Variants in MMP26 observed in about 807,000 individuals in gnomAD.
The protein encoded by MMP26 is matrix metalloproteinase-26.
Under a neutral mutation model 31.0 loss-of-function variants are expected in MMP26, and 33 were observed. The observed-to-expected ratio is 1.06, with a 90% CI of 0.81 to 1.42. MMP26 has a LOEUF of 1.42. MMP26 is among the 40% of genes most tolerant of loss of function. MMP26 has a pLI of 0.00. For missense variants in MMP26, 347 were observed against 316.1 expected (o/e 1.10, Z -0.74); for synonymous variants, 122 against 114.9 (o/e 1.06, Z -0.40).
intron 1 of MMP26, among the ~76,000 whole-genome samples, chr11:4,732,541 CAAAA>C (rs56079183): frequency 1.1e-5 from 1 of 94,670 alleles, no homozygotes; most frequent in Non-Finnish European, 2.3e-5. Flanking sequence ...AGACTCGTCT[CAAAA>C]AAAAAAAAAA....
At chr11:4,772,450 G>T (rs1848738813) in intron 2 of MMP26, among the ~76,000 whole-genome samples, 1 of 152,050 alleles carries the variant, frequency 6.6e-6, no homozygotes, top group Admixed American at 6.5e-5. Context: ...TTTCCACATT[G>T]AACCATAGGG....
At chr11:4,988,354 G>C (rs1244644292) in intron 3 of MMP26, 44 bp downstream of exon 3, 13 of 1,481,464 alleles carry the variant, frequency 8.8e-6, no homozygotes, top group Non-Finnish European at 1.1e-5. Flanking sequence ...GGTGACCATT[G>C]TGGGCTCTTA....
At chr11:4,724,065 G>A in intron 1 of MMP26, 1 of 656,808 alleles carries the variant, frequency 1.5e-6, no homozygotes, top group Non-Finnish European at 2.7e-6. Context: ...GGAAAAGCTT[G>A]AGGAGCTGAT....
intron 2 of MMP26, among the ~76,000 whole-genome samples, chr11:4,910,802 A>C (rs984112658): frequency 6.6e-5 from 10 of 151,770 alleles, no homozygotes; most frequent in African/African-American, 2.4e-4. Context: ...CTATTGGTCA[A>C]TTTGTAAATG....
In MMP26 at chr11:4,862,580, T is replaced by C. The variant is rs576293044; in HGVS notation, c.-145+95239T>C. On this transcript the variant is annotated intron_variant, in intron 2 of 7. Coordinates refer to ENST00000380390, the MANE Select transcript of MMP26 (RefSeq NM_021801.5). The stretch of plus-strand genomic sequence containing the variant: ...TGTGAGAGGTCCTATGGTGTCTTTG[T>C]TCTCACCTAGGTACTTGTGAGAAAA... Among the ~76,000 whole-genome samples the C allele has an allele frequency of 4.6e-5, 7 of 152,266 alleles. No homozygotes were observed. The South Asian group carries it at 1.4e-3, about 32-fold the overall frequency.
intron 2 of MMP26, chr11:4,821,983 C>T: frequency 1.2e-6 from 2 of 1,614,070 alleles, no homozygotes; most frequent in Non-Finnish European, 1.7e-6. Context: ...TGATCTCATC[C>T]AACTCTCCTG....
intron 1 of MMP26, among the ~76,000 whole-genome samples, chr11:4,757,208 CAA>C (rs199958815): frequency 0.027 from 4,083 of 151,926 alleles, 63 homozygotes; most frequent in South Asian, 0.088. Flanking sequence ...ATAAAGGTGT[CAA>C]GACAATTAAA....
chr11:4,752,019 G>A (rs1848452698), intron 1 of MMP26: 1 of 152,058 alleles, frequency 6.6e-6, no homozygotes, highest in Non-Finnish European at 1.5e-5. Flanking sequence ...GCCTTTATAG[G>A]AGTAGTACAT....
chr11:4,721,056 G>A lies in MMP26; in HGVS notation c.-217+16011G>A, dbSNP rs545574529. Among the ~76,000 whole-genome samples the A allele has an allele frequency of 3.3e-4, 50 of 152,262 alleles. 1 individual carries two copies. The highest frequency in any genetic ancestry group is 5.7e-4 in the Non-Finnish European group (39 of 68,002). On this transcript the variant is annotated intron_variant, in intron 1 of 7. Transcript: ENST00000380390. ...CATATTTGTCCCTACAGCAGCTTCCGGTGTCCTAGCCTCCCCCAATTAATG... is the reference window on the plus strand; with the variant it reads ...CATATTTGTCCCTACAGCAGCTTCCAGTGTCCTAGCCTCCCCCAATTAATG...
rs1218989117 is a variant in MMP26, at chr11:4,861,473, GTA to G, written c.-145+94140_-145+94141del. ...ATCTAATATGTTCATATGTGTGTGT[GTA>G]TATATATGTATATATGTATATATAT... On this transcript the variant is annotated intron_variant, in intron 2 of 7. Transcript: ENST00000380390. Among the ~76,000 whole-genome samples the G allele has an allele frequency of 8.6e-5, 13 of 151,422 alleles. No individual in the cohort carries two copies. In the East Asian group the frequency reaches 2.3e-3, roughly 27 times the overall value.
At chr11:4,991,526 A>G in intron 6 of MMP26, 30 bp downstream of exon 6, 1 of 1,607,962 alleles carries the variant, frequency 6.2e-7, no homozygotes, top group Non-Finnish European at 8.5e-7. Context: ...GGATCGCTAG[A>G]ACTCTCTGGG....
intron 2 of MMP26, among the ~76,000 whole-genome samples, chr11:4,820,641 C>T (rs1260446874): frequency 6.6e-6 from 1 of 151,964 alleles, no homozygotes; most frequent in Non-Finnish European, 1.5e-5. Flanking sequence ...TCCTTCTTCT[C>T]CTCCTCCTCT....
In MMP26 at chr11:4,923,405, A is replaced by T. The variant is rs772754451; in HGVS notation, c.-144-64663A>T. On this transcript the variant is annotated intron_variant, in intron 2 of 7. Coordinates refer to ENST00000380390, the MANE Select transcript of MMP26 (RefSeq NM_021801.5). Reference sequence around the variant, plus strand: ...CTTCCAAAAACACCTAAGTGACTTTATAAACTGAAACTTCTTAATGATGCG... The same window carrying T: ...CTTCCAAAAACACCTAAGTGACTTTTTAAACTGAAACTTCTTAATGATGCG... 2.5e-5 allele frequency: 40 copies of T among 1,571,832 alleles called. No individual in the cohort carries two copies. The highest frequency in any genetic ancestry group is 3.5e-5 in the Non-Finnish European group (40 of 1,159,286).
At chr11:4,871,364 A>C (rs996031005) in intron 2 of MMP26, among the ~76,000 whole-genome samples, 1 of 152,052 alleles carries the variant, frequency 6.6e-6, no homozygotes, top group South Asian at 2.1e-4. Context: ...ACAAGGGTAA[A>C]TTTTTCTTTC....
intron 2 of MMP26, chr11:4,830,377 A>T (rs927952662): frequency 6.6e-6 from 1 of 152,240 alleles, no homozygotes; most frequent in African/African-American, 2.4e-5. Flanking sequence ...TGTTCAACCT[A>T]AGAGATCAAG....
chr11:4,810,095 G>A (rs1314012814), intron 2 of MMP26, among the ~76,000 whole-genome samples: 1 of 152,182 alleles, frequency 6.6e-6, no homozygotes, highest in Non-Finnish European at 1.5e-5. Flanking sequence ...TCTGAGACTG[G>A]AGACTAGAGC....
chr11:4,923,539 A>G, intron 2 of MMP26: 1 of 1,614,152 alleles, frequency 6.2e-7, no homozygotes, highest in Non-Finnish European at 8.5e-7. Context: ...GCAGATGTTC[A>G]CCAAAGCGAT....
intron 2 of MMP26, among the ~76,000 whole-genome samples, chr11:4,966,565 A>G (rs1408938733): frequency 6.6e-6 from 1 of 152,196 alleles, no homozygotes; most frequent in African/African-American, 2.4e-5. Flanking sequence ...AGCTAAGAAG[A>G]GAGTTCAGAG....
At chr11:4,979,669 A>G (rs1589823430) in intron 2 of MMP26, among the ~76,000 whole-genome samples, 1 of 152,068 alleles carries the variant, frequency 6.6e-6, no homozygotes, top group East Asian at 1.9e-4. Flanking sequence ...TCCCTAACTT[A>G]TCTCCTTTTA....
Sources: allele counts gnomAD v4.1 joint callset (sites outside exome capture counted in the v4.1 genomes callset), GRCh38; gene constraint gnomAD v4.1.1; transcripts MANE v1.5; gene names NCBI Gene and HGNC (gene_info 2026-07-23, HGNC 2026-07-21).